Variants in CA10 observed in about 807,000 individuals in gnomAD.
CA10 encodes the protein carbonic anhydrase-related protein 10.
Under a neutral mutation model 44.2 loss-of-function variants are expected in CA10, and 14 were observed. The observed-to-expected ratio is 0.32, with a 90% CI of 0.21 to 0.50. CA10 has a LOEUF of 0.50. Ranked by LOEUF, CA10 falls within the 20% of genes least tolerant of loss-of-function variation. The pLI, the probability that CA10 is intolerant of heterozygous loss-of-function variation, is 0.99. For missense variants in CA10, 350 were observed against 409.7 expected (o/e 0.85, Z 1.26); for synonymous variants, 159 against 141.6 (o/e 1.12, Z -0.87).
intron 1 of CA10, among the ~76,000 whole-genome samples, chr17:52,082,131 C>T (rs1988000117): frequency 6.6e-6 from 1 of 152,182 alleles, no homozygotes; most frequent in African/African-American, 2.4e-5. Flanking sequence ...GGTACACTGG[C>T]ACAGTGTTTG....
intron 2 of CA10, among the ~76,000 whole-genome samples, chr17:51,968,584 A>T (rs576497777): frequency 6.6e-6 from 1 of 152,034 alleles, no homozygotes; most frequent in Middle Eastern, 3.4e-3. Context: ...AATGGGGATT[A>T]ATATTGACCA....
Position 51,765,737 on chromosome 17 carries a change from A to ATGTGTGTGTGTG in CA10, c.280-17920_280-17919insCACACACACACA, listed in dbSNP as rs1555597234. Among the ~76,000 whole-genome samples the ATGTGTGTGTGTG allele has an allele frequency of 6.3e-5, 6 of 94,658 alleles. No individual in the cohort carries two copies. In the East Asian group the frequency reaches 1.3e-3, roughly 20 times the overall value. 62.1% of individuals were successfully genotyped at this position (94,658 alleles called of 152,430 possible). On this transcript the variant is annotated intron_variant, in intron 3 of 8. Transcript: ENST00000451037. ...TGTGTGTGTGTGTATGTGTGTGTGC[A>ATGTGTGTGTGTG]TGCATGTGTTTAGGGGGGGTTGGGT...
intron 4 of CA10, among the ~76,000 whole-genome samples, chr17:51,677,890 C>CG (rs1273945543): frequency 5.8e-4 from 21 of 36,218 alleles, no homozygotes; most frequent in East Asian, 3.9e-3. Flanking sequence ...TATACACCCC[C>CG]CCCCCCACCG....
chr17:52,015,728 CA>C (rs928955904), intron 2 of CA10, among the ~76,000 whole-genome samples: 2 of 152,160 alleles, frequency 1.3e-5, no homozygotes, highest in African/African-American at 4.8e-5. Flanking sequence ...AAGAAATGAG[CA>C]CATATTTGCA....
At chr17:51,968,883 T>C (rs1269472177) in intron 2 of CA10, among the ~76,000 whole-genome samples, 1 of 151,950 alleles carries the variant, frequency 6.6e-6, no homozygotes, top group African/African-American at 2.4e-5. Flanking sequence ...AACAAACCTA[T>C]AAGGTGAACA....
intron 3 of CA10, among the ~76,000 whole-genome samples, chr17:51,885,049 A>G (rs750723352): frequency 2.6e-5 from 4 of 152,214 alleles, no homozygotes; most frequent in Non-Finnish European, 4.4e-5. Context: ...ATGAAATCAC[A>G]TTCACAAGTA....
At chr17:52,022,550 A>T (rs1395112905) in intron 2 of CA10, among the ~76,000 whole-genome samples, 2 of 152,038 alleles carry the variant, frequency 1.3e-5, no homozygotes, top group African/African-American at 4.8e-5. Flanking sequence ...AATAACTAGA[A>T]CAAGACAAGG....
At chr17:51,825,499 GA>G (rs1433086922) in intron 3 of CA10, among the ~76,000 whole-genome samples, 1 of 152,124 alleles carries the variant, frequency 6.6e-6, no homozygotes, top group African/African-American at 2.4e-5. Context: ...CAGGCACAGA[GA>G]GGTTAAGTAA....
intron 3 of CA10, among the ~76,000 whole-genome samples, chr17:51,850,324 C>T (rs1202798327): frequency 1.3e-5 from 2 of 152,156 alleles, no homozygotes; most frequent in East Asian, 3.8e-4. Flanking sequence ...ACTGCTTTAA[C>T]CCATGCTAGT....
chr17:52,072,678 TAC>T (rs58984767), intron 1 of CA10, among the ~76,000 whole-genome samples: 34,390 of 139,986 alleles, frequency 0.25, 4,228 homozygotes, highest in African/African-American at 0.3. Flanking sequence ...ATCTTCCCCA[TAC>T]ACACACACAC....
Position 52,106,229 on chromosome 17 carries a change from C to T in CA10, c.62-33836G>A, listed in dbSNP as rs151220718. Among the ~76,000 whole-genome samples the T allele has an allele frequency of 2.3e-3, 346 of 152,272 alleles. 2 individuals carry two copies. The highest frequency in any genetic ancestry group is 7.9e-3 in the African/African-American group (329 of 41,546). On this transcript the variant is annotated intron_variant, in intron 1 of 8. Transcript: ENST00000451037. ...ACTGATTTTGCCTGTGACTCAAGAT[C>T]GTGAAAGTCTTCCTGACCACGGGGC...
chr17:51,758,663 G>A (rs1905138865), intron 3 of CA10, among the ~76,000 whole-genome samples: 1 of 152,198 alleles, frequency 6.6e-6, no homozygotes, highest in South Asian at 2.1e-4. Flanking sequence ...TCCGGGGGGT[G>A]AGTCCCATGT....
At chr17:51,951,038 T>C (rs1220696393) in intron 2 of CA10, among the ~76,000 whole-genome samples, 2 of 152,166 alleles carry the variant, frequency 1.3e-5, no homozygotes, top group Non-Finnish European at 1.5e-5. Flanking sequence ...AAGGAACAAA[T>C]ATATATTATT....
At chr17:51,876,608 C>A (rs1475138062) in intron 3 of CA10, among the ~76,000 whole-genome samples, 1 of 152,076 alleles carries the variant, frequency 6.6e-6, no homozygotes, top group Non-Finnish European at 1.5e-5. Context: ...ATTAGGTACC[C>A]GTAACAGCCT....
chr17:52,047,199 G>A (rs186566277), intron 2 of CA10, among the ~76,000 whole-genome samples: 120 of 152,056 alleles, frequency 7.9e-4, no homozygotes, highest in African/African-American at 2.8e-3. Flanking sequence ...ACCATGCTAA[G>A]GGAAAGAAAT....
At chr17:52,056,684 A>T (rs1181488517) in intron 2 of CA10, among the ~76,000 whole-genome samples, 1 of 151,928 alleles carries the variant, frequency 6.6e-6, no homozygotes, top group Non-Finnish European at 1.5e-5. Flanking sequence ...CTTCTGCTTG[A>T]CAAAAAGGAA....
intron 2 of CA10, among the ~76,000 whole-genome samples, chr17:51,941,478 T>G (rs530803115): frequency 6.6e-6 from 1 of 152,278 alleles, no homozygotes; most frequent in Non-Finnish European, 1.5e-5. Flanking sequence ...AGATAAAATC[T>G]GAAATTAGTT....
intron 6 of CA10, among the ~76,000 whole-genome samples, chr17:51,639,839 T>G (rs1416516783): frequency 6.6e-6 from 1 of 152,228 alleles, no homozygotes; most frequent in Non-Finnish European, 1.5e-5. Flanking sequence ...GGTAACCCTC[T>G]GAGCCTCAGT....
chr17:51,720,567 G>A (rs980088701), intron 4 of CA10, among the ~76,000 whole-genome samples: 4 of 152,114 alleles, frequency 2.6e-5, no homozygotes, highest in Non-Finnish European at 4.4e-5. Context: ...TATACACAAT[G>A]GAATACTATA....
Sources: gnomAD v4.1 joint callset for allele counts (sites outside exome capture counted in the v4.1 genomes callset) on GRCh38, gnomAD v4.1.1 for gene constraint, MANE v1.5 for transcripts, NCBI Gene and HGNC (gene_info 2026-07-23, HGNC 2026-07-21) for gene names.